PARD3B: variants seen among roughly 807,000 people sequenced by gnomAD.
The protein encoded by PARD3B is par-3 family cell polarity regulator beta, also known as partitioning defective 3 homolog B.
In PARD3B, 103 loss-of-function variants were observed where a neutral mutation model predicts 130.2. The observed-to-expected ratio is 0.79, with a 90% CI of 0.67 to 0.93. The LOEUF is 0.93. PARD3B is among the 40% of genes least tolerant of loss of function. PARD3B has a pLI of 0.00. For synonymous variants in PARD3B, 583 were observed against 553.2 expected (o/e 1.05, Z -0.76); for missense variants, 1,609 against 1,499.2 (o/e 1.07, Z -1.21).
chr2:204,789,926 A>C (rs2042142600), intron 2 of PARD3B, among the ~76,000 whole-genome samples: 1 of 149,458 alleles, frequency 6.7e-6, no homozygotes, highest in South Asian at 2.1e-4. Flanking sequence ...GCTGGAGTGC[A>C]GTGGCGCGAT....
chr2:205,158,745 ACT>A lies in PARD3B; in HGVS notation c.1465_1466del (p.Leu489GlyfsTer9), dbSNP rs1386502127. The A allele has an allele frequency of 6.2e-7, 1 of 1,613,814 alleles. No individual in the cohort carries two copies. Among genetic ancestry groups the A allele is most frequent in the African/African-American group, 1.3e-5 (1 of 75,004 alleles). ...AGAAAGGAGAACCTGACTGCTGTGC[ACT>A]CTCTCTGGAGACAAGCGAGCAGCTC... The part of the protein sequence containing the change: ...ELKGEPDCCA[L>X]SLETSEQLTF... On this transcript the variant is annotated frameshift_variant, in exon 11 of 23. Transcript: ENST00000406610. LOFTEE classifies it high-confidence loss of function. The surrounding 1 kb of genome is among the most constrained non-coding windows in gnomAD (Gnocchi z 5.4).
intron 2 of PARD3B, among the ~76,000 whole-genome samples, chr2:204,827,682 C>A (rs142598194): frequency 6.6e-6 from 1 of 152,326 alleles, no homozygotes; most frequent in East Asian, 1.9e-4. Flanking sequence ...GCTCGAAAAT[C>A]TGTCAAGATA....
At chr2:204,666,524 G>A (rs2125194891) in intron 1 of PARD3B, among the ~76,000 whole-genome samples, 1 of 152,280 alleles carries the variant, frequency 6.6e-6, no homozygotes, top group Middle Eastern at 3.4e-3. Flanking sequence ...GCTGTAGTGA[G>A]AGCAAGAGAT....
chr2:204,880,733 T>G (rs74838861), intron 2 of PARD3B, among the ~76,000 whole-genome samples: 1,945 of 150,736 alleles, frequency 0.013, 45 homozygotes, highest in East Asian at 0.11. Flanking sequence ...ATCCAGCTGA[T>G]GTGGGGCTGC....
At chr2:205,092,945 A>G (rs1470172025) in intron 4 of PARD3B, among the ~76,000 whole-genome samples, 1 of 152,194 alleles carries the variant, frequency 6.6e-6, no homozygotes, top group East Asian at 1.9e-4. Context: ...GTGCATATGT[A>G]AAGAAACATA....
chr2:205,511,913 T>G (rs1424242485), intron 21 of PARD3B, among the ~76,000 whole-genome samples: 1 of 152,166 alleles, frequency 6.6e-6, no homozygotes, highest in Non-Finnish European at 1.5e-5. Context: ...GTTCTTTCAG[T>G]TTAAGGAAAT....
At chr2:205,528,701 A>G (rs1371222366) in intron 21 of PARD3B, among the ~76,000 whole-genome samples, 31 of 152,154 alleles carry the variant, frequency 2.0e-4, no homozygotes, top group Admixed American at 2.0e-3. Flanking sequence ...CATGTTGGCC[A>G]GGATGGTCTC....
At chr2:205,107,990 C>G (rs1703347031) in intron 5 of PARD3B, among the ~76,000 whole-genome samples, 2 of 152,158 alleles carry the variant, frequency 1.3e-5, no homozygotes, top group South Asian at 4.1e-4. Context: ...ACAGATAAGC[C>G]TTCTTCCAGA....
At chr2:205,610,188 G>T (rs961216237) in intron 22 of PARD3B, among the ~76,000 whole-genome samples, 2 of 152,102 alleles carry the variant, frequency 1.3e-5, no homozygotes, top group Admixed American at 6.5e-5. Flanking sequence ...CATCACGTCT[G>T]TTCTCAGGGA....
rs973399280 is a variant in PARD3B at position 204,545,961 on chromosome 2, C to G, written c.-39C>G. 7 of 1,529,202 alleles carry G rather than the reference C, an allele frequency of 4.6e-6. No individual in the cohort carries two copies. The African/African-American group carries it at 9.8e-5, about 21-fold the overall frequency. The allele number at this position is 1,529,202 out of a possible 1,614,324, so 94.7% of individuals were successfully genotyped here. ...GGGGCTGCGCCCGCGGGGTCAGACA[C>G]CTGTTCGGCCCGGCCCGGCGTGGTC... On this transcript the variant is annotated 5_prime_UTR_variant, in exon 1 of 23. Coordinates refer to ENST00000406610, the MANE Select transcript of PARD3B (RefSeq NM_001302769.2).
In PARD3B at chr2:205,176,437, T is replaced by C. The variant is rs762279149; in HGVS notation, c.1792-8T>C. The C allele has an allele frequency of 6.3e-7, 1 of 1,584,566 alleles. No homozygotes were observed. The highest frequency in any genetic ancestry group is 8.5e-7 in the Non-Finnish European group (1 of 1,171,360). The stretch of plus-strand genomic sequence containing the variant: ...AATGCAAATGTAATTTTTACTTTTA[T>C]CTCTTAGGATCCTGCAGAGTGTGGG... On this transcript the variant is annotated splice_polypyrimidine_tract_variant and splice_region_variant and intron_variant, in intron 12 of 22. Coordinates refer to ENST00000406610, the MANE Select transcript of PARD3B (RefSeq NM_001302769.2). This position sits in a 1 kb window ranked among gnomAD's most constrained non-coding sequence, Gnocchi z 5.3.
Position 204,624,883 on chromosome 2 carries a change from C to T in PARD3B, c.121-61298C>T, listed in dbSNP as rs568648775. On this transcript the variant is annotated intron_variant, in intron 1 of 22. Transcript: ENST00000406610. ...ATAAGAGATCCAGTGTTTCTCTATC[C>T]TCACCAGCATTTGATATTGTCACTA... Among the ~76,000 whole-genome samples, 268 of 152,224 alleles carry T rather than the reference C, an allele frequency of 1.8e-3. 1 individual carries two copies. The highest frequency in any genetic ancestry group is 5.9e-3 in the African/African-American group (247 of 41,538).
At chr2:205,442,308 T>C (rs1455359498) in intron 20 of PARD3B, among the ~76,000 whole-genome samples, 1 of 145,298 alleles carries the variant, frequency 6.9e-6, no homozygotes, top group Non-Finnish European at 1.5e-5. Flanking sequence ...TTTTTTTTTT[T>C]TTTTTTTTGA....
At position 205,550,815 on chromosome 2, in the gene PARD3B, T is replaced by C. The variant is rs928674032; in HGVS notation, c.3181-2509T>C. On this transcript the variant is annotated intron_variant, in intron 21 of 22. Coordinates refer to ENST00000406610, the MANE Select transcript of PARD3B (RefSeq NM_001302769.2). The surrounding 1 kb of genome is among the most constrained non-coding windows in gnomAD (Gnocchi z 4.5). Reference sequence around the variant, plus strand: ...ATACAAATATATGCATATTTATATGTATATATGTATATTTTATGTATATTT... The same window carrying C: ...ATACAAATATATGCATATTTATATGCATATATGTATATTTTATGTATATTT... Among the ~76,000 whole-genome samples the C allele has an allele frequency of 1.3e-5, 2 of 149,382 alleles. No individual in the cohort carries two copies. Among genetic ancestry groups the C allele is most frequent in the African/African-American group, 2.4e-5 (1 of 40,960 alleles).
rs1056092342 is a variant in PARD3B, at chr2:205,121,846, A to G, written c.1062A>G (p.Arg354=). The part of the protein sequence containing the change: ...SASLQQNKSP[R]VPRLGGKPSS... ...CCCTGCAACAAAACAAGAGTCCCCG[A>G]GTACCAAGGCTGGGAGGAAAACCAT... Residue 354 remains arginine, a synonymous_variant, in exon 8 of 23, where the codon CGA becomes CGG. Coordinates refer to ENST00000406610, the MANE Select transcript of PARD3B (RefSeq NM_001302769.2). The surrounding 1 kb of genome is among the most constrained non-coding windows in gnomAD (Gnocchi z 5.0). 4 of 1,614,158 alleles carry G rather than the reference A, an allele frequency of 2.5e-6. No individual in the cohort carries two copies. Among genetic ancestry groups the G allele is most frequent in the Non-Finnish European group, 3.4e-6 (4 of 1,180,008 alleles).
rs2041478293 is a variant in PARD3B at position 205,288,443 on chromosome 2, ACT to A, written c.2186-12082_2186-12081del. Among the ~76,000 whole-genome samples, 6 of 151,862 alleles carry A rather than the reference ACT, an allele frequency of 4.0e-5. No individual in the cohort carries two copies. The South Asian group carries it at 1.3e-3, about 32-fold the overall frequency. ...GAGTTCCATTGCTGCAAAATATACC[ACT>A]CTCTTTCCCTTTAATTTATTCTATG... On this transcript the variant is annotated intron_variant, in intron 16 of 22. Transcript: ENST00000406610. The surrounding 1 kb of genome is among the most constrained non-coding windows in gnomAD (Gnocchi z 4.0).
At chr2:204,663,273 G>A (rs1158322703) in intron 1 of PARD3B, among the ~76,000 whole-genome samples, 1 of 152,126 alleles carries the variant, frequency 6.6e-6, no homozygotes, top group Non-Finnish European at 1.5e-5. Context: ...GCTTCCTGAG[G>A]TTCCCTATGA....
In PARD3B at chr2:204,686,581, C is replaced by T. The variant is rs1482238207; in HGVS notation, c.222+299C>T. Among the ~76,000 whole-genome samples the T allele has an allele frequency of 2.6e-5, 4 of 152,156 alleles. No homozygotes were observed. The East Asian group carries it at 5.8e-4, about 22-fold the overall frequency. ...GCTGTTGGAATCATCATTGTCGTTG[C>T]TGGCTCTGTAGTTTATTCCTGGCCC... On this transcript the variant is annotated intron_variant, in intron 2 of 22. Coordinates refer to ENST00000406610, the MANE Select transcript of PARD3B (RefSeq NM_001302769.2).
chr2:204,881,064 A>T (rs1042675559), intron 2 of PARD3B, among the ~76,000 whole-genome samples: 2 of 152,214 alleles, frequency 1.3e-5, no homozygotes, highest in African/African-American at 4.8e-5. Context: ...ATCATTTAAC[A>T]CTACTGAAAA....
Sources: allele counts gnomAD v4.1 joint callset (sites outside exome capture counted in the v4.1 genomes callset), GRCh38; gene constraint gnomAD v4.1.1; non-coding constraint Gnocchi (gnomAD v3.1); transcripts MANE v1.5; gene names NCBI Gene and HGNC (gene_info 2026-07-23, HGNC 2026-07-21).